The following CHRM3 variants were observed in gnomAD, a reference collection of about 807,000 sequenced individuals.
CHRM3 encodes the protein muscarinic acetylcholine receptor M3.
CHRM3 carries 11 observed loss-of-function variants against 41.8 expected under a neutral mutation model. That is an observed-to-expected ratio of 0.26 (90% CI 0.17 to 0.44). The LOEUF (loss-of-function observed/expected upper bound fraction) is 0.44, where lower values mean the gene tolerates loss of function less well. Among genes scored for constraint, CHRM3 ranks in the 20% least tolerant of loss-of-function variants. CHRM3 has a pLI of 1.00. For synonymous variants in CHRM3, 297 were observed against 301.4 expected (o/e 0.99, Z 0.15); for missense variants, 571 against 745.4 (o/e 0.77, Z 2.72).
intron 5 of CHRM3, among the ~76,000 whole-genome samples, chr1:239,790,402 C>T (rs1049740989): frequency 6.6e-6 from 1 of 152,090 alleles, no homozygotes. Context: ...GGGGAAGTTT[C>T]CCCCAAACTG....
chr1:239,586,132 T>C (rs1663373478), intron 3 of CHRM3, among the ~76,000 whole-genome samples: 2 of 152,336 alleles, frequency 1.3e-5, no homozygotes, highest in Admixed American at 1.3e-4. Context: ...CCCAGTAACC[T>C]CTGACATCTG....
intron 5 of CHRM3, among the ~76,000 whole-genome samples, chr1:239,740,810 G>GA (rs1242090742): frequency 6.6e-6 from 1 of 152,126 alleles, no homozygotes; most frequent in African/African-American, 2.4e-5. Flanking sequence ...AAAAAGTCAG[G>GA]AAAAAACAAA....
At chr1:239,572,392 G>A (rs1373245261) in intron 3 of CHRM3, among the ~76,000 whole-genome samples, 5 of 152,194 alleles carry the variant, frequency 3.3e-5, no homozygotes, top group African/African-American at 1.2e-4. Flanking sequence ...TGAGAAGCTT[G>A]AGTCATCATT....
At chr1:239,833,047 C>T (rs1182409683) in intron 6 of CHRM3, among the ~76,000 whole-genome samples, 3 of 152,096 alleles carry the variant, frequency 2.0e-5, no homozygotes, top group Non-Finnish European at 4.4e-5. Context: ...CTGACAAAAC[C>T]ATCTCTGGAC....
At chr1:239,896,764 A>G (rs1679039527) in intron 6 of CHRM3, among the ~76,000 whole-genome samples, 1 of 152,166 alleles carries the variant, frequency 6.6e-6, no homozygotes, top group Non-Finnish European at 1.5e-5. Context: ...TCTGCCTACT[A>G]TATGTCAGTA....
At chr1:239,784,698 C>A (rs1327133502) in intron 5 of CHRM3, among the ~76,000 whole-genome samples, 1 of 151,970 alleles carries the variant, frequency 6.6e-6, no homozygotes, top group South Asian at 2.1e-4. Flanking sequence ...TTTATTTATT[C>A]TTTTTCTAAC....
chr1:239,618,859 A>G (rs1351790886), intron 3 of CHRM3, among the ~76,000 whole-genome samples: 2 of 150,988 alleles, frequency 1.3e-5, no homozygotes, highest in African/African-American at 4.9e-5. Context: ...AAAAAAAAAA[A>G]AAGTAAAGAT....
intron 6 of CHRM3, among the ~76,000 whole-genome samples, chr1:239,873,400 G>A (rs550067224): frequency 4.0e-5 from 6 of 151,758 alleles, no homozygotes; most frequent in African/African-American, 7.3e-5. Context: ...TGTGGAGAAC[G>A]TGCAAGTTTT....
chr1:239,551,724 G>C (rs2148444410), intron 3 of CHRM3, among the ~76,000 whole-genome samples: 1 of 152,276 alleles, frequency 6.6e-6, no homozygotes, highest in East Asian at 1.9e-4. Context: ...GTTGCTTGCT[G>C]TAGACCAATT....
At chr1:239,713,382 C>T (rs751301294) in intron 5 of CHRM3, among the ~76,000 whole-genome samples, 1 of 152,084 alleles carries the variant, frequency 6.6e-6, no homozygotes, top group Non-Finnish European at 1.5e-5. Context: ...TCTTCCTTTC[C>T]ATCACAATTG....
chr1:239,417,293 A>G (rs564478348), intron 1 of CHRM3, among the ~76,000 whole-genome samples: 1 of 152,200 alleles, frequency 6.6e-6, no homozygotes, highest in Non-Finnish European at 1.5e-5. Context: ...AGAATATACT[A>G]CAGTATATTT....
At chr1:239,433,051 C>T (rs1016678550) in intron 1 of CHRM3, among the ~76,000 whole-genome samples, 1 of 152,152 alleles carries the variant, frequency 6.6e-6, no homozygotes, top group African/African-American at 2.4e-5. Context: ...CAAATCTTTA[C>T]CTTTATTTCT....
chr1:239,662,855 T>G (rs543810946), intron 4 of CHRM3, among the ~76,000 whole-genome samples: 1 of 149,266 alleles, frequency 6.7e-6, no homozygotes, highest in East Asian at 2.0e-4. Context: ...TCCTCTTCCT[T>G]CTCCTTCTCC....
chr1:239,873,763 C>T (rs1676796873), intron 6 of CHRM3, among the ~76,000 whole-genome samples: 2 of 152,162 alleles, frequency 1.3e-5, no homozygotes, highest in South Asian at 4.1e-4. Flanking sequence ...TGCAGGAATC[C>T]TCCCTGCTGC....
At chr1:239,580,704 T>TATATATACATAC (rs570878631) in intron 3 of CHRM3, among the ~76,000 whole-genome samples, 2 of 131,086 alleles carry the variant, frequency 1.5e-5, no homozygotes, top group African/African-American at 2.9e-5. Context: ...TATATATATA[T>TATATATACATAC]ACACACACAC....
chr1:239,725,439 C>T (rs1274234175), intron 5 of CHRM3, among the ~76,000 whole-genome samples: 1 of 151,950 alleles, frequency 6.6e-6, no homozygotes, highest in East Asian at 1.9e-4. Context: ...GTAATTCCAC[C>T]GTATGCAGCA....
At chr1:239,681,437 G>A (rs1001301546) in intron 5 of CHRM3, among the ~76,000 whole-genome samples, 1 of 152,172 alleles carries the variant, frequency 6.6e-6, no homozygotes, top group Non-Finnish European at 1.5e-5. Flanking sequence ...CTGGTGCATG[G>A]CACAATCACT....
intron 3 of CHRM3, among the ~76,000 whole-genome samples, chr1:239,584,221 A>T (rs1383675032): frequency 1.3e-5 from 2 of 149,204 alleles, no homozygotes. Context: ...CTCCTGACTC[A>T]GCCTCCCGAG....
intron 1 of CHRM3, among the ~76,000 whole-genome samples, chr1:239,449,752 G>A (rs1223402752): frequency 6.6e-6 from 1 of 150,718 alleles, no homozygotes; most frequent in African/African-American, 2.5e-5. Flanking sequence ...GTGTGTGTGT[G>A]TGCGTGTGTG....
Sources: allele counts gnomAD v4.1 joint callset (sites outside exome capture counted in the v4.1 genomes callset), GRCh38; gene constraint gnomAD v4.1.1; transcripts MANE v1.5; gene names NCBI Gene and HGNC (gene_info 2026-07-23, HGNC 2026-07-21).